ADAM17: variants seen among roughly 807,000 people sequenced by gnomAD.
The protein encoded by ADAM17 is disintegrin and metalloproteinase domain-containing protein 17.
Under a neutral mutation model 96.7 loss-of-function variants are expected in ADAM17, and 39 were observed. The ratio of observed to expected loss-of-function variants is 0.40; its 90% CI spans 0.31 to 0.53. The LOEUF is 0.53. Ranked by LOEUF, ADAM17 falls within the 20% of genes least tolerant of loss-of-function variation. The probability of loss-of-function intolerance (pLI) is 0.44; values close to 1 mark genes in which losing one functional copy is unlikely to be tolerated. For missense variants in ADAM17, 777 were observed against 1,013.2 expected (o/e 0.77, Z 3.17); for synonymous variants, 344 against 359.2 (o/e 0.96, Z 0.48).
Position 9,499,109 on chromosome 2 carries a change from T to C in ADAM17, c.1649-1861A>G, listed in dbSNP as rs550075592. ...AATGCTAATTGCTTTTTTTCTTTCTTCTTCTTTTTTTTTTTTTTTTTTGAG... is the reference window on the plus strand; with the variant it reads ...AATGCTAATTGCTTTTTTTCTTTCTCCTTCTTTTTTTTTTTTTTTTTTGAG... On this transcript the variant is annotated intron_variant, in intron 13 of 18. Transcript: ENST00000310823. 1.3e-4 allele frequency among the ~76,000 whole-genome samples: 11 copies of C among 83,176 alleles called. 1 individual carries two copies. The East Asian group carries it at 1.9e-3, about 14-fold the overall frequency. 54.6% of individuals were successfully genotyped at this position (83,176 alleles called of 152,430 possible). A position where few individuals can be genotyped will look rare whatever the true frequency, so the allele number is the denominator to read the frequency against.
At chr2:9,491,199 T>TAGTG in intron 17 of ADAM17, 48 bp from the exon 18 acceptor site, 1 of 1,538,802 alleles carries the variant, frequency 6.5e-7, no homozygotes, top group Non-Finnish European at 9.0e-7. Context: ...ACAATTCAGT[T>TAGTG]AGTGAGTACT....
chr2:9,529,050 T>C (rs1463509122), intron 4 of ADAM17, among the ~76,000 whole-genome samples: 1 of 152,098 alleles, frequency 6.6e-6, no homozygotes, highest in Non-Finnish European at 1.5e-5. Context: ...ATAAACAAAA[T>C]GCAGTTTATC....
intron 1 of ADAM17, among the ~76,000 whole-genome samples, chr2:9,552,250 G>A (rs951930153): frequency 6.6e-6 from 1 of 152,170 alleles, no homozygotes; most frequent in African/African-American, 2.4e-5. Flanking sequence ...ATTGGCCTTG[G>A]AGGAAACCTA....
chr2:9,529,103 C>T (rs1664637610), intron 4 of ADAM17, among the ~76,000 whole-genome samples: 1 of 152,182 alleles, frequency 6.6e-6, no homozygotes, highest in African/African-American at 2.4e-5. Flanking sequence ...AAATAAGATA[C>T]AGATACATGC....
chr2:9,526,174 T>C lies in ADAM17; in HGVS notation c.690A>G (p.Val230=). 1 of 1,613,818 alleles carries C rather than the reference T, an allele frequency of 6.2e-7. No homozygotes were observed. Among genetic ancestry groups the C allele is most frequent in the South Asian group, 1.1e-5 (1 of 91,076 alleles). ...TGTATCTGTAGAAGCGATGATCTGCTACCACCAATAATTTACACGTGTTCT... is the reference window on the plus strand; with the variant it reads ...TGTATCTGTAGAAGCGATGATCTGCCACCACCAATAATTTACACGTGTTCT... ...PMKNTCKLLV[V]ADHRFYRYMG... Residue 230 remains valine (V), a synonymous_variant, in exon 6 of 19, where the codon GTA becomes GTG. Transcript: ENST00000310823.
intron 12 of ADAM17, among the ~76,000 whole-genome samples, chr2:9,502,791 A>T (rs1169568035): frequency 2.0e-5 from 3 of 150,120 alleles, no homozygotes; most frequent in Non-Finnish European, 3.0e-5. Context: ...AGGCAGGAGA[A>T]TCGCCTGGAC....
At chr2:9,554,441 A>G (rs1665678651) in intron 1 of ADAM17, among the ~76,000 whole-genome samples, 1 of 152,200 alleles carries the variant, frequency 6.6e-6, no homozygotes, top group Non-Finnish European at 1.5e-5. Context: ...GGAAAGAATC[A>G]TAAGACAGCT....
rs765906374 is a variant in ADAM17 at position 9,521,333 on chromosome 2, C to A, written c.844-17G>T. On this transcript the variant is annotated splice_polypyrimidine_tract_variant and intron_variant, in intron 7 of 18. Coordinates refer to ENST00000310823, the MANE Select transcript of ADAM17 (RefSeq NM_003183.6). ...AATGCGAATCTATACTTAAAGAGAT[C>A]ATATACTTAGAACACTTCCAAAATA... 6 of 1,526,200 alleles carry A rather than the reference C, an allele frequency of 3.9e-6. No homozygotes were observed. The highest frequency in any genetic ancestry group is 1.7e-5 in the Admixed American group (1 of 59,628). The allele number at this position is 1,526,200 out of a possible 1,614,324, so 94.5% of individuals were successfully genotyped here.
At position 9,517,933 on chromosome 2, in the gene ADAM17, T is replaced by C. The variant is rs1447084045; in HGVS notation, c.1159A>G (p.Thr387Ala). ...NIYLNSGLTSTKNYGKTILTK... is the reference protein window; with the variant it reads ...NIYLNSGLTSAKNYGKTILTK... ...AGGATGGTTTTACCATAATTCTTTG[T>C]GCTCGTCAAACCACTATTCAAATAG... Residue 387 changes from threonine (T) to alanine (A), a missense_variant, in exon 10 of 19, where the codon ACA becomes GCA. By Grantham distance (58) the Thr-to-Ala change is moderately conservative. Coordinates refer to ENST00000310823, the MANE Select transcript of ADAM17 (RefSeq NM_003183.6). The C allele has an allele frequency of 1.2e-6, 2 of 1,603,788 alleles. No homozygotes were observed. The highest frequency in any genetic ancestry group is 1.7e-6 in the Non-Finnish European group (2 of 1,176,538).
rs34525911 is a variant in ADAM17 at position 9,489,259 on chromosome 2, A to ATTTTTTTTTTTTTTTTTTTTTTTTT, written c.*917_*918insAAAAAAAAAAAAAAAAAAAAAAAAA. 8.0e-5 allele frequency: 7 copies of ATTTTTTTTTTTTTTTTTTTTTTTTT among 87,398 alleles called. No homozygotes were observed. The highest frequency in any genetic ancestry group is 3.2e-4 in the African/African-American group (5 of 15,528). 5.4% of individuals were successfully genotyped at this position (87,398 alleles called of 1,614,324 possible). A position where few individuals can be genotyped will look rare whatever the true frequency, so the allele number is the denominator to read the frequency against. ...AATATTCTAGGTTTGTAGATAGTGA[A>ATTTTTTTTTTTTTTTTTTTTTTTTT]TTTTTTTTTTTTTTTTTTTTTTTTG... is the stretch of plus-strand genomic sequence containing the variant. On this transcript the variant is annotated 3_prime_UTR_variant, in exon 19 of 19. Coordinates refer to ENST00000310823, the MANE Select transcript of ADAM17 (RefSeq NM_003183.6).
At position 9,502,879 on chromosome 2, in the gene ADAM17, C is replaced by CAAAA. The variant is rs758081961; in HGVS notation, c.1545-607_1545-604dup. On this transcript the variant is annotated intron_variant, in intron 12 of 18. Transcript: ENST00000310823. ...AGGCAACAAGAGAGAAATTCTGTCT[C>CAAAA]AAAAAAAAAAAAAAAAAAAAAAAAG... Among the ~76,000 whole-genome samples the CAAAA allele has an allele frequency of 3.2e-3, 139 of 43,462 alleles. 2 individuals carry two copies. The highest frequency in any genetic ancestry group is 3.9e-3 in the Non-Finnish European group (97 of 24,780). 28.5% of individuals were successfully genotyped at this position (43,462 alleles called of 152,430 possible).
intron 10 of ADAM17, among the ~76,000 whole-genome samples, chr2:9,514,742 G>A (rs1263617048): frequency 2.0e-5 from 3 of 150,952 alleles, no homozygotes; most frequent in African/African-American, 4.9e-5. Context: ...GCGTGGTGGT[G>A]GGGGTGCCTG....
chr2:9,493,128 T>C, intron 16 of ADAM17, 142 bp from the exon 17 acceptor site: 1 of 645,070 alleles, frequency 1.6e-6, no homozygotes, highest in Non-Finnish European at 2.6e-6. Context: ...CTGTGCTGCC[T>C]GTATTACACC....
intron 1 of ADAM17, among the ~76,000 whole-genome samples, chr2:9,546,715 C>T (rs369944479): frequency 2.9e-5 from 4 of 137,830 alleles, no homozygotes; most frequent in African/African-American, 5.5e-5. Context: ...TGGCCATATT[C>T]TTTTTTTTTT....
chr2:9,549,450 G>T (rs529993146), intron 1 of ADAM17, among the ~76,000 whole-genome samples: 4 of 152,312 alleles, frequency 2.6e-5, no homozygotes, highest in African/African-American at 9.6e-5. Flanking sequence ...ATAGTGGTAT[G>T]TATATAACCG....
intron 7 of ADAM17, chr2:9,522,496 A>T: frequency 1.8e-6 from 1 of 551,382 alleles, no homozygotes; most frequent in Non-Finnish European, 3.3e-6. Flanking sequence ...TAATTCTCTT[A>T]GTTTTATACA....
Position 9,489,259 on chromosome 2 carries a change from A to ATTTTTTTTTTTTT in ADAM17, c.*905_*917dup, listed in dbSNP as rs34525911. On this transcript the variant is annotated 3_prime_UTR_variant, in exon 19 of 19. Transcript: ENST00000310823. The stretch of plus-strand genomic sequence containing the variant: ...AATATTCTAGGTTTGTAGATAGTGA[A>ATTTTTTTTTTTTT]TTTTTTTTTTTTTTTTTTTTTTTTG... 4.2e-3 allele frequency: 369 copies of ATTTTTTTTTTTTT among 87,384 alleles called. 49 individuals carry two copies. The highest frequency in any genetic ancestry group is 0.022 in the African/African-American group (346 of 15,518). The allele number at this position is 87,384 out of a possible 1,614,324, so 5.4% of individuals were successfully genotyped here. A position where few individuals can be genotyped will look rare whatever the true frequency, so the allele number is the denominator to read the frequency against.
chr2:9,536,647 G>A (rs1226471972), intron 3 of ADAM17, 51 bp downstream of exon 3: 2 of 1,601,156 alleles, frequency 1.2e-6, no homozygotes, highest in Non-Finnish European at 1.7e-6. Context: ...AGTTAGATTT[G>A]GAGACCTAAT....
intron 11 of ADAM17, 59 bp from the exon 12 acceptor site, chr2:9,505,424 C>T: frequency 6.6e-7 from 1 of 1,517,824 alleles, no homozygotes; most frequent in Non-Finnish European, 9.1e-7. Flanking sequence ...TATTCCCATG[C>T]AATGTTTGTG....
Sources: gnomAD v4.1 joint callset for allele counts (sites outside exome capture counted in the v4.1 genomes callset) on GRCh38, gnomAD v4.1.1 for gene constraint, MANE v1.5 for transcripts, NCBI Gene and HGNC (gene_info 2026-07-23, HGNC 2026-07-21) for gene names.